Variants in ARIH1 observed in about 807,000 individuals in gnomAD.
ARIH1 encodes ariadne RBR E3 ubiquitin protein ligase 1.
ARIH1 carries 8 observed loss-of-function variants against 85.0 expected under a neutral mutation model. The ratio of observed to expected loss-of-function variants is 0.09; its 90% CI spans 0.06 to 0.17. The LOEUF (loss-of-function observed/expected upper bound fraction) is 0.17, where lower values mean the gene tolerates loss of function less well. Among genes scored for constraint, ARIH1 ranks in the 10% least tolerant of loss-of-function variants. ARIH1 has a pLI of 1.00. For synonymous variants in ARIH1, 238 were observed against 253.6 expected, an observed-to-expected ratio of 0.94 and a Z score of 0.59; for missense variants, 311 against 718.1, an observed-to-expected ratio of 0.43 and a Z score of 6.48.
Position 72,584,397 on chromosome 15 carries a change from A to G in ARIH1, c.*1105A>G, listed in dbSNP as rs1287545092. On this transcript the variant is annotated 3_prime_UTR_variant, in exon 14 of 14. Coordinates refer to ENST00000379887, the MANE Select transcript of ARIH1 (RefSeq NM_005744.5). Reference sequence around the variant, plus strand: ...TAGGCATTCTTAAGTCCCCTGTCGCATCCAGTGGAAGCATTTTAAAATTTC... The same window carrying G: ...TAGGCATTCTTAAGTCCCCTGTCGCGTCCAGTGGAAGCATTTTAAAATTTC... 2.0e-5 allele frequency: 3 copies of G among 152,188 alleles called. No homozygotes were observed. The highest frequency in any genetic ancestry group is 7.2e-5 in the African/African-American group (3 of 41,440). The allele number at this position is 152,188 out of a possible 1,614,324, so 9.4% of individuals were successfully genotyped here.
intron 7 of ARIH1, among the ~76,000 whole-genome samples, chr15:72,564,790 A>G (rs2064212182): frequency 6.6e-6 from 1 of 152,048 alleles, no homozygotes; most frequent in Non-Finnish European, 1.5e-5. Context: ...TGGTTCATAG[A>G]TGGTGCCTAC....
chr15:72,580,437 AT>A, intron 11 of ARIH1: 1 of 321,214 alleles, frequency 3.1e-6, no homozygotes, highest in Non-Finnish European at 5.7e-6. Flanking sequence ...ATTCCTTTTC[AT>A]ATATACACAG....
chr15:72,558,989 T>C (rs2064186240), intron 5 of ARIH1, among the ~76,000 whole-genome samples: 2 of 152,224 alleles, frequency 1.3e-5, no homozygotes. Flanking sequence ...TTTATTGATA[T>C]AAAATCTGTA....
chr15:72,533,736 G>A (rs1197665037), intron 2 of ARIH1, among the ~76,000 whole-genome samples: 2 of 151,998 alleles, frequency 1.3e-5, no homozygotes, highest in East Asian at 1.9e-4. Context: ...GTGAGACCCC[G>A]TATTTACAGA....
At chr15:72,522,755 C>T (rs1311819842) in intron 2 of ARIH1, among the ~76,000 whole-genome samples, 1 of 152,060 alleles carries the variant, frequency 6.6e-6, no homozygotes, top group Non-Finnish European at 1.5e-5. Flanking sequence ...ACACATGTAA[C>T]AAAGGACTCT....
chr15:72,479,880 T>C (rs1341400227), intron 1 of ARIH1, among the ~76,000 whole-genome samples: 3 of 151,964 alleles, frequency 2.0e-5, no homozygotes, highest in South Asian at 2.1e-4. Flanking sequence ...TTTTTTTTTT[T>C]CGTTTGAGAC....
chr15:72,530,644 T>C (rs549523399), intron 2 of ARIH1, among the ~76,000 whole-genome samples: 2 of 152,326 alleles, frequency 1.3e-5, no homozygotes, highest in African/African-American at 4.8e-5. Context: ...GAACTTAAGA[T>C]ACTGGAATTG....
In ARIH1 at chr15:72,589,554, A is replaced by C. The variant is rs2064331837; in HGVS notation, c.*6262A>C. On this transcript the variant is annotated 3_prime_UTR_variant, in exon 14 of 14. Transcript: ENST00000379887. ...GTTACCCCATAGCTCCAGGTATTAC[A>C]TGTTAACTGTTCCTGACACATGTAG... is the stretch of plus-strand genomic sequence containing the variant. The C allele has an allele frequency of 6.6e-6, 1 of 152,220 alleles. No individual in the cohort carries two copies. The highest frequency in any genetic ancestry group is 2.4e-5 in the African/African-American group (1 of 41,444). The allele number at this position is 152,220 out of a possible 1,614,324, so 9.4% of individuals were successfully genotyped here.
chr15:72,581,231 A>G (rs2064293967), intron 12 of ARIH1, among the ~76,000 whole-genome samples: 1 of 152,160 alleles, frequency 6.6e-6, no homozygotes, highest in African/African-American at 2.4e-5. Context: ...CTAGATTTTA[A>G]TCTTTACTTC....
chr15:72,482,550 A>G (rs534887913), intron 1 of ARIH1, among the ~76,000 whole-genome samples: 8 of 152,312 alleles, frequency 5.3e-5, no homozygotes, highest in South Asian at 2.1e-4. Context: ...AATGGAGCTT[A>G]TAAATGCTGG....
At chr15:72,493,062 A>G (rs2063865778) in intron 1 of ARIH1, among the ~76,000 whole-genome samples, 1 of 152,146 alleles carries the variant, frequency 6.6e-6, no homozygotes, top group Non-Finnish European at 1.5e-5. Context: ...CTATTCTTAA[A>G]TGTCTACTCT....
chr15:72,548,836 A>G (rs1166575691), intron 3 of ARIH1, among the ~76,000 whole-genome samples: 1 of 152,180 alleles, frequency 6.6e-6, no homozygotes, highest in Non-Finnish European at 1.5e-5. Context: ...CCTTCCAGAA[A>G]GCAATTTTTG....
intron 1 of ARIH1, among the ~76,000 whole-genome samples, chr15:72,504,878 CA>C (rs1440178920): frequency 6.6e-6 from 1 of 152,134 alleles, no homozygotes; most frequent in African/African-American, 2.4e-5. Context: ...ATTGACTAAG[CA>C]TTAATTATGT....
chr15:72,581,776 G>A (rs113293985), intron 12 of ARIH1: 3 of 218,474 alleles, frequency 1.4e-5, no homozygotes, highest in African/African-American at 4.6e-5. Flanking sequence ...TCAGCAAAGA[G>A]CAGCTCTCAG....
intron 2 of ARIH1, among the ~76,000 whole-genome samples, chr15:72,528,924 G>A (rs2064042504): frequency 6.6e-6 from 1 of 152,186 alleles, no homozygotes; most frequent in Non-Finnish European, 1.5e-5. Flanking sequence ...TGTACGGCTG[G>A]GTGTGGTGGC....
At chr15:72,579,918 G>A (rs1285091942) in intron 11 of ARIH1, among the ~76,000 whole-genome samples, 1 of 151,990 alleles carries the variant, frequency 6.6e-6, no homozygotes, top group African/African-American at 2.4e-5. Flanking sequence ...TTGTTGTATT[G>A]CCTTGCCTTA....
rs1302795170 is a variant in ARIH1 at position 72,506,302 on chromosome 15, ATT to A, written c.376-11764_376-11763del. ...GAGGTGGAGCTTGCAATGAGGCGAGATTGCGCCACTGCACTCCAGCCTGGGCG... is the reference window on the plus strand; with the variant it reads ...GAGGTGGAGCTTGCAATGAGGCGAGAGCGCCACTGCACTCCAGCCTGGGCG... On this transcript the variant is annotated intron_variant, in intron 1 of 13. Transcript: ENST00000379887. 5.2e-5 allele frequency among the ~76,000 whole-genome samples: 7 copies of A among 134,432 alleles called. No homozygotes were observed. The South Asian group carries it at 1.9e-3, about 36-fold the overall frequency. 88.2% of individuals were successfully genotyped at this position (134,432 alleles called of 152,430 possible). A position where few individuals can be genotyped will look rare whatever the true frequency, so the allele number is the denominator to read the frequency against.
rs397853910 is a variant in ARIH1 at position 72,523,939 on chromosome 15, C to CTTT, written c.443+5828_443+5830dup. On this transcript the variant is annotated intron_variant, in intron 2 of 13. Transcript: ENST00000379887. ...AAAATACCGTGTGCTACTTTTACAT[C>CTTT]TTTTTTTTTTTTTTTTTTTTTTTTT... 5.3e-3 allele frequency among the ~76,000 whole-genome samples: 329 copies of CTTT among 61,714 alleles called. 5 individuals are homozygous for CTTT. The highest frequency in any genetic ancestry group is 0.013 in the Middle Eastern group (1 of 80). 40.5% of individuals were successfully genotyped at this position (61,714 alleles called of 152,430 possible). A position where few individuals can be genotyped will look rare whatever the true frequency, so the allele number is the denominator to read the frequency against.
chr15:72,541,407 A>C (rs2064106952), intron 2 of ARIH1, among the ~76,000 whole-genome samples: 1 of 152,232 alleles, frequency 6.6e-6, no homozygotes, highest in Non-Finnish European at 1.5e-5. Context: ...ACTGAATAGG[A>C]ATTGGAATTA....
Sources: allele counts gnomAD v4.1 joint callset (sites outside exome capture counted in the v4.1 genomes callset), GRCh38; gene constraint gnomAD v4.1.1; transcripts MANE v1.5; gene names NCBI Gene and HGNC (gene_info 2026-07-23, HGNC 2026-07-21).